RIMS2: variants seen among roughly 807,000 people sequenced by gnomAD.
The protein encoded by RIMS2 is regulating synaptic membrane exocytosis protein 2.
Under a neutral mutation model 174.4 loss-of-function variants are expected in RIMS2, and 59 were observed. The ratio of observed to expected loss-of-function variants is 0.34; its 90% CI spans 0.27 to 0.42. RIMS2 has a LOEUF of 0.42. Among genes scored for constraint, RIMS2 ranks in the 10% least tolerant of loss-of-function variants. The pLI is 1.00. For missense variants in RIMS2, 1,620 were observed against 1,666.3 expected (o/e 0.97, Z 0.48); for synonymous variants, 606 against 572.5 (o/e 1.06, Z -0.84).
At chr8:103,869,511 C>T (rs1200110726) in intron 3 of RIMS2, among the ~76,000 whole-genome samples, 2 of 151,860 alleles carry the variant, frequency 1.3e-5, no homozygotes, top group East Asian at 1.9e-4. Context: ...TTTGTAGAAA[C>T]GGAGTTTCAC....
chr8:104,074,472 A>C (rs1259576367), intron 19 of RIMS2, among the ~76,000 whole-genome samples: 1 of 152,198 alleles, frequency 6.6e-6, no homozygotes, highest in Non-Finnish European at 1.5e-5. Flanking sequence ...ACAACAGCAA[A>C]TATAATAATA....
chr8:103,732,486 A>T (rs1440525180), intron 2 of RIMS2, among the ~76,000 whole-genome samples: 1 of 152,156 alleles, frequency 6.6e-6, no homozygotes, highest in African/African-American at 2.4e-5. Flanking sequence ...GGGCTCTACA[A>T]TCAGCAGGTG....
chr8:104,062,545 C>A (rs1335951072), intron 19 of RIMS2, among the ~76,000 whole-genome samples: 1 of 152,054 alleles, frequency 6.6e-6, no homozygotes, highest in Admixed American at 6.6e-5. Flanking sequence ...ATACTTAGTT[C>A]TCTGTTGAAA....
intron 19 of RIMS2, among the ~76,000 whole-genome samples, chr8:104,164,791 G>C (rs2098786924): frequency 6.6e-6 from 1 of 152,142 alleles, no homozygotes; most frequent in South Asian, 2.1e-4. Flanking sequence ...ACACACACTG[G>C]GGTGTGTCAG....
chr8:103,542,600 G>A (rs1156486022), intron 1 of RIMS2, among the ~76,000 whole-genome samples: 3 of 152,152 alleles, frequency 2.0e-5, no homozygotes, highest in Non-Finnish European at 4.4e-5. Flanking sequence ...TATTCTTGAT[G>A]AGCATAGATG....
At chr8:103,550,089 C>G (rs1398210096) in intron 1 of RIMS2, among the ~76,000 whole-genome samples, 2 of 152,126 alleles carry the variant, frequency 1.3e-5, no homozygotes, top group Non-Finnish European at 2.9e-5. Flanking sequence ...TTGAACTCAG[C>G]TCTGCACCAA....
intron 1 of RIMS2, among the ~76,000 whole-genome samples, chr8:103,646,044 C>T (rs2135675223): frequency 6.6e-6 from 1 of 151,886 alleles, no homozygotes; most frequent in South Asian, 2.1e-4. Flanking sequence ...CTCTGGTGGG[C>T]AGTTGTGGGG....
intron 4 of RIMS2, among the ~76,000 whole-genome samples, chr8:103,900,053 G>A (rs1373912270): frequency 6.6e-6 from 1 of 151,448 alleles, no homozygotes. Flanking sequence ...TATTTCTGAG[G>A]GCTCTGTTCT....
intron 19 of RIMS2, among the ~76,000 whole-genome samples, chr8:104,064,566 T>C (rs754257012): frequency 9.2e-5 from 14 of 152,054 alleles, no homozygotes; most frequent in Admixed American, 1.3e-4. Flanking sequence ...GGAGTATTTG[T>C]ATATATACAT....
chr8:103,840,319 T>G (rs3104252), intron 3 of RIMS2, among the ~76,000 whole-genome samples: 45,950 of 152,130 alleles, frequency 0.3, 8,158 homozygotes, highest in East Asian at 0.77. Flanking sequence ...TTTTTTCTTC[T>G]ATACAGGTTT....
intron 19 of RIMS2, among the ~76,000 whole-genome samples, chr8:104,133,120 G>A (rs910841632): frequency 6.6e-6 from 1 of 152,190 alleles, no homozygotes; most frequent in African/African-American, 2.4e-5. Context: ...GAAACCTTCA[G>A]CAAACTTCAT....
chr8:104,003,367 T>C (rs2095460690), intron 17 of RIMS2, among the ~76,000 whole-genome samples: 2 of 151,816 alleles, frequency 1.3e-5, no homozygotes, highest in African/African-American at 4.8e-5. Flanking sequence ...AGGCAGGAAA[T>C]AGCAAGAAAT....
chr8:103,563,754 A>G (rs1267071012), intron 1 of RIMS2, among the ~76,000 whole-genome samples: 1 of 152,160 alleles, frequency 6.6e-6, no homozygotes, highest in African/African-American at 2.4e-5. Flanking sequence ...TAGGCAATAT[A>G]CAAAAGAAAG....
At chr8:104,196,882 T>C (rs562307323) in intron 19 of RIMS2, among the ~76,000 whole-genome samples, 78 of 152,312 alleles carry the variant, frequency 5.1e-4, no homozygotes, top group African/African-American at 1.8e-3. Context: ...ACATAATTAT[T>C]GAAAAGTTTA....
At chr8:103,572,041 C>G (rs1162361773) in intron 1 of RIMS2, among the ~76,000 whole-genome samples, 1 of 152,138 alleles carries the variant, frequency 6.6e-6, no homozygotes, top group Non-Finnish European at 1.5e-5. Context: ...GCCACGGACC[C>G]TCGCAGTGAG....
chr8:103,606,430 C>G (rs2133975275), intron 1 of RIMS2, among the ~76,000 whole-genome samples: 1 of 151,864 alleles, frequency 6.6e-6, no homozygotes, highest in African/African-American at 2.4e-5. Flanking sequence ...AGTATGTGGT[C>G]AATTTTGGAA....
chr8:103,573,264 A>G (rs565837174), intron 1 of RIMS2, among the ~76,000 whole-genome samples: 3 of 151,466 alleles, frequency 2.0e-5, no homozygotes, highest in East Asian at 1.9e-4. Flanking sequence ...AGGTTTCACT[A>G]TGTTGGCCAG....
intron 3 of RIMS2, among the ~76,000 whole-genome samples, chr8:103,882,117 C>T (rs549495069): frequency 6.6e-6 from 1 of 151,368 alleles, no homozygotes; most frequent in African/African-American, 2.4e-5. Flanking sequence ...TGCTAAATGC[C>T]TTATGGTTCT....
intron 19 of RIMS2, among the ~76,000 whole-genome samples, chr8:104,140,246 T>C (rs1396273326): frequency 3.3e-5 from 5 of 152,086 alleles, no homozygotes; most frequent in African/African-American, 1.2e-4. Flanking sequence ...CTTGAATATT[T>C]TTCTCTCTCT....
Sources: allele counts gnomAD v4.1 joint callset (sites outside exome capture counted in the v4.1 genomes callset), GRCh38; gene constraint gnomAD v4.1.1; transcripts MANE v1.5; gene names NCBI Gene and HGNC (gene_info 2026-07-23, HGNC 2026-07-21).